The following POU6F2 variants were observed in gnomAD, a reference collection of about 807,000 sequenced individuals.
POU6F2 encodes POU class 6 homeobox 2.
POU6F2 carries 31 observed loss-of-function variants against 71.3 expected under a neutral mutation model. That is an observed-to-expected ratio of 0.43 (90% CI 0.33 to 0.59). The LOEUF is 0.59. POU6F2 is among the 20% of genes least tolerant of loss of function. The probability of loss-of-function intolerance (pLI) is 0.04; values close to 1 mark genes in which losing one functional copy is unlikely to be tolerated. For missense variants in POU6F2, 783 were observed against 856.8 expected (o/e 0.91, Z 1.07); for synonymous variants, 347 against 355.7 (o/e 0.98, Z 0.27).
intron 4 of POU6F2, among the ~76,000 whole-genome samples, chr7:39,319,157 G>T (rs1785333396): frequency 6.6e-6 from 1 of 152,126 alleles, no homozygotes; most frequent in African/African-American, 2.4e-5. Flanking sequence ...ACTCCAATTT[G>T]ATTTGAGGTT....
rs1031293297 is a variant in POU6F2, at chr7:39,192,031, TGAA to T, written c.278-12199_278-12197del. 8.5e-5 allele frequency among the ~76,000 whole-genome samples: 13 copies of T among 152,350 alleles called. No homozygotes were observed. The South Asian group carries it at 1.2e-3, about 15-fold the overall frequency. On this transcript the variant is annotated intron_variant, in intron 2 of 9. Transcript: ENST00000518318. ...ATGCAATATTTTGTTACCCCATCTT[TGAA>T]GAAGGTTTGAAACTCTTGGTAATTT... is the stretch of plus-strand genomic sequence containing the variant.
intron 6 of POU6F2, among the ~76,000 whole-genome samples, chr7:39,408,421 T>A (rs1787484984): frequency 6.6e-6 from 1 of 152,254 alleles, no homozygotes; most frequent in Admixed American, 6.5e-5. Flanking sequence ...ACTTTGCCAA[T>A]TAGATATTCT....
At chr7:39,419,130 T>C (rs1787783750) in intron 6 of POU6F2, among the ~76,000 whole-genome samples, 1 of 136,866 alleles carries the variant, frequency 7.3e-6, no homozygotes, top group South Asian at 2.4e-4. Context: ...TGTGTATATA[T>C]ACACATATAT....
chr7:38,990,538 A>G (rs1788577947), intron 1 of POU6F2, among the ~76,000 whole-genome samples: 1 of 152,214 alleles, frequency 6.6e-6, no homozygotes, highest in South Asian at 2.1e-4. Context: ...CCTCATGGAT[A>G]TATGGTTAGA....
chr7:39,390,486 A>G (rs1024418937), intron 5 of POU6F2, among the ~76,000 whole-genome samples: 1 of 152,236 alleles, frequency 6.6e-6, no homozygotes, highest in Non-Finnish European at 1.5e-5. Flanking sequence ...ATGCATCTCC[A>G]TGATTCTTGT....
intron 7 of POU6F2, among the ~76,000 whole-genome samples, chr7:39,445,744 C>T (rs963001478): frequency 5.9e-5 from 9 of 152,232 alleles, no homozygotes; most frequent in Non-Finnish European, 1.3e-4. Context: ...GTGCTCTTGT[C>T]CTGTCCACAG....
intron 2 of POU6F2, among the ~76,000 whole-genome samples, chr7:39,118,190 C>G (rs1171464771): frequency 1.3e-5 from 2 of 152,138 alleles, no homozygotes; most frequent in African/African-American, 2.4e-5. Flanking sequence ...AGCAAAATGA[C>G]TCCTTCTCAG....
intron 1 of POU6F2, among the ~76,000 whole-genome samples, chr7:39,064,798 C>A (rs1790724496): frequency 6.6e-6 from 1 of 151,518 alleles, no homozygotes; most frequent in African/African-American, 2.4e-5. Context: ...AACAAAAAAA[C>A]CCAAAGTAGA....
chr7:39,053,172 C>T (rs1790432234), intron 1 of POU6F2, among the ~76,000 whole-genome samples: 1 of 152,122 alleles, frequency 6.6e-6, no homozygotes, highest in African/African-American at 2.4e-5. Flanking sequence ...GCTCCCTTTT[C>T]AGAAATGGTC....
chr7:39,109,705 T>C (rs1305206385), intron 2 of POU6F2, among the ~76,000 whole-genome samples: 2 of 152,234 alleles, frequency 1.3e-5, no homozygotes, highest in African/African-American at 4.8e-5. Context: ...GTATACTCAT[T>C]ACACAGTGGA....
chr7:39,262,504 G>A lies in POU6F2; in HGVS notation c.598+54884G>A, dbSNP rs559673429. On this transcript the variant is annotated intron_variant, in intron 4 of 9. Transcript: ENST00000518318. The stretch of plus-strand genomic sequence containing the variant: ...TTCAACTCTTCATTCTACAAATGCC[G>A]AACATGCAACAACTGCTATACAACT... Among the ~76,000 whole-genome samples, 11 of 152,248 alleles carry A rather than the reference G, an allele frequency of 7.2e-5. No homozygotes were observed. The South Asian group carries it at 1.5e-3, about 20-fold the overall frequency.
chr7:39,215,301 C>T (rs1319242166), intron 4 of POU6F2, among the ~76,000 whole-genome samples: 2 of 152,168 alleles, frequency 1.3e-5, no homozygotes, highest in East Asian at 3.9e-4. Flanking sequence ...GCTGAGATCA[C>T]GCCACTGGAC....
intron 2 of POU6F2, among the ~76,000 whole-genome samples, chr7:39,140,267 G>A (rs187413141): frequency 6.6e-6 from 1 of 152,322 alleles, no homozygotes; most frequent in East Asian, 1.9e-4. Flanking sequence ...TAGGTGGACA[G>A]GAGTCTCTTG....
intron 2 of POU6F2, among the ~76,000 whole-genome samples, chr7:39,106,719 A>T (rs1791695845): frequency 6.6e-6 from 1 of 152,244 alleles, no homozygotes; most frequent in Admixed American, 6.5e-5. Context: ...TAGAATTACT[A>T]AATCAGTAGG....
At chr7:39,071,489 A>G (rs115252087) in intron 1 of POU6F2, among the ~76,000 whole-genome samples, 2,044 of 152,076 alleles carry the variant, frequency 0.013, 41 homozygotes, top group African/African-American at 0.046. Flanking sequence ...TACTCACTCA[A>G]TAAGCATGTT....
intron 2 of POU6F2, among the ~76,000 whole-genome samples, chr7:39,114,753 A>T (rs1046603219): frequency 2.0e-5 from 3 of 152,118 alleles, no homozygotes; most frequent in Non-Finnish European, 4.4e-5. Flanking sequence ...ATGTTTAATA[A>T]TATTTTTTGT....
intron 1 of POU6F2, among the ~76,000 whole-genome samples, chr7:38,994,994 A>G (rs923004917): frequency 1.3e-5 from 2 of 152,178 alleles, no homozygotes; most frequent in East Asian, 3.9e-4. Flanking sequence ...CTTTTCAAAC[A>G]TTTCCCCAGA....
intron 1 of POU6F2, among the ~76,000 whole-genome samples, chr7:39,078,878 C>T (rs1465273380): frequency 2.6e-5 from 4 of 152,092 alleles, no homozygotes; most frequent in East Asian, 1.9e-4. Context: ...CTAAAGGCGC[C>T]ATTGCACTCC....
At position 39,149,393 on chromosome 7, in the gene POU6F2, A is replaced by T. The variant is rs1792696082; in HGVS notation, c.278-54842A>T. ...TGTTTTTATTTATTTGTTAATTTTT[A>T]AAATAAATTTTATTGTGTATAATCG... On this transcript the variant is annotated intron_variant, in intron 2 of 9. Coordinates refer to ENST00000518318, the MANE Select transcript of POU6F2 (RefSeq NM_001370959.1). Among the ~76,000 whole-genome samples, 3 of 152,184 alleles carry T rather than the reference A, an allele frequency of 2.0e-5. No homozygotes were observed. In the South Asian group the frequency reaches 6.2e-4, roughly 32 times the overall value.
Sources: gnomAD v4.1 joint callset for allele counts (sites outside exome capture counted in the v4.1 genomes callset) on GRCh38, gnomAD v4.1.1 for gene constraint, MANE v1.5 for transcripts, NCBI Gene and HGNC (gene_info 2026-07-23, HGNC 2026-07-21) for gene names.